Variants in MCTP2 observed in about 807,000 individuals in gnomAD.
MCTP2 encodes the protein multiple C2 and transmembrane domain-containing protein 2.
Under a neutral mutation model 111.6 loss-of-function variants are expected in MCTP2, and 132 were observed. That is an observed-to-expected ratio of 1.18 (90% CI 1.03 to 1.37). The LOEUF is 1.37. Among genes scored for constraint, MCTP2 ranks in the 40% most tolerant of loss-of-function variants. The probability of loss-of-function intolerance (pLI) is 0.00; values close to 1 mark genes in which losing one functional copy is unlikely to be tolerated. For missense variants in MCTP2, 1,183 were observed against 1,067.9 expected (o/e 1.11, Z -1.50); for synonymous variants, 395 against 387.7 (o/e 1.02, Z -0.22).
At chr15:94,465,578 CACCTTTCTTTTCTCCTTTTCTGT>C (rs1288619555) in intron 20 of MCTP2, among the ~76,000 whole-genome samples, 2 of 152,090 alleles carry the variant, frequency 1.3e-5, no homozygotes, top group Non-Finnish European at 2.9e-5. Context: ...ACTACAGTCT[CACCTTTCTTTTCTCCTTTTCTGT>C]ACTTTTCTTT....
intron 20 of MCTP2, among the ~76,000 whole-genome samples, chr15:94,460,221 C>T (rs527348270): frequency 6.6e-6 from 1 of 151,980 alleles, no homozygotes; most frequent in Non-Finnish European, 1.5e-5. Flanking sequence ...AAAGACAGAC[C>T]GCAGGCAATT....
At chr15:94,470,625 A>C (rs1300461069) in intron 21 of MCTP2, among the ~76,000 whole-genome samples, 183 bp downstream of exon 21, 2 of 152,260 alleles carry the variant, frequency 1.3e-5, no homozygotes, top group African/African-American at 4.8e-5. Context: ...ATGAGTGATC[A>C]GCATAGATAT....
intron 17 of MCTP2, among the ~76,000 whole-genome samples, chr15:94,419,016 A>G (rs2082500683): frequency 6.6e-6 from 1 of 152,180 alleles, no homozygotes; most frequent in Non-Finnish European, 1.5e-5. Context: ...CATATTCTTC[A>G]TAGAAATGTT....
rs375361122 is a variant in MCTP2, at chr15:94,451,150, TACTC to T, written c.2251-6985_2251-6982del. Among the ~76,000 whole-genome samples the T allele has an allele frequency of 1.5e-3, 222 of 152,322 alleles. 1 individual carries two copies. Among genetic ancestry groups the T allele is most frequent in the African/African-American group, 5.3e-3 (220 of 41,574 alleles). On this transcript the variant is annotated intron_variant, in intron 19 of 22. Transcript: ENST00000357742. ...TTCTGCTTACAAAAGTTAGCAAAAA[TACTC>T]AATCCTTTTAACATTTTATAAATGA...
chr15:94,249,401 A>G (rs1383287409), intron 1 of MCTP2, among the ~76,000 whole-genome samples: 1 of 152,046 alleles, frequency 6.6e-6, no homozygotes, highest in African/African-American at 2.4e-5. Context: ...AGATGGTAAT[A>G]CCAGCCTAGA....
At chr15:94,368,713 C>T (rs1275844760) in intron 11 of MCTP2, among the ~76,000 whole-genome samples, 2 of 152,180 alleles carry the variant, frequency 1.3e-5, no homozygotes, top group Non-Finnish European at 2.9e-5. Flanking sequence ...TATTAACATT[C>T]TCTCTGATTA....
At chr15:94,245,496 A>G (rs1322115277) in intron 1 of MCTP2, among the ~76,000 whole-genome samples, 2 of 140,716 alleles carry the variant, frequency 1.4e-5, no homozygotes, top group East Asian at 2.0e-4. Flanking sequence ...ACATGTATGT[A>G]TTTATATATG....
intron 8 of MCTP2, among the ~76,000 whole-genome samples, chr15:94,346,392 G>A (rs970306567): frequency 2.0e-5 from 3 of 151,944 alleles, no homozygotes; most frequent in African/African-American, 7.3e-5. Context: ...ATAATAACAC[G>A]GAGCCATCTC....
At chr15:94,318,428 C>G (rs2152371490) in intron 4 of MCTP2, among the ~76,000 whole-genome samples, 1 of 152,172 alleles carries the variant, frequency 6.6e-6, no homozygotes, top group East Asian at 1.9e-4. Flanking sequence ...GGATTACAGG[C>G]ACGCACCACC....
At chr15:94,422,215 G>C (rs996910729) in intron 17 of MCTP2, among the ~76,000 whole-genome samples, 1 of 152,148 alleles carries the variant, frequency 6.6e-6, no homozygotes, top group African/African-American at 2.4e-5. Context: ...CACAGCATGG[G>C]TCTTGGGCAC....
chr15:94,458,095 A>C (rs1358645825), intron 19 of MCTP2, 42 bp from the exon 20 acceptor site: 1 of 1,115,366 alleles, frequency 9.0e-7, no homozygotes, highest in African/African-American at 1.5e-5. Flanking sequence ...GCATGATAAA[A>C]AATGAAGTAA....
intron 20 of MCTP2, among the ~76,000 whole-genome samples, chr15:94,464,239 AATATATATATATATATATTATAT>A (rs1228567188): frequency 2.2e-5 from 2 of 89,364 alleles, no homozygotes; most frequent in Non-Finnish European, 4.6e-5. Flanking sequence ...TTATATATAT[AATATATATATATATATATTATAT>A]ATATATATAT....
chr15:94,298,987 C>T (rs1596300477), intron 2 of MCTP2, among the ~76,000 whole-genome samples: 1 of 86,354 alleles, frequency 1.2e-5, no homozygotes, highest in Non-Finnish European at 2.4e-5. Context: ...CTCTCCCTCT[C>T]CCTCTCTCCC....
chr15:94,466,198 G>C (rs1042500420), intron 20 of MCTP2, among the ~76,000 whole-genome samples: 2 of 151,888 alleles, frequency 1.3e-5, no homozygotes, highest in African/African-American at 4.8e-5. Context: ...TAATATATTG[G>C]ATTAGATTTC....
chr15:94,419,193 A>G (rs554763692), intron 17 of MCTP2, among the ~76,000 whole-genome samples: 1 of 152,282 alleles, frequency 6.6e-6, no homozygotes, highest in South Asian at 2.1e-4. Context: ...AACTGGAACT[A>G]CTGGATGGAA....
intron 19 of MCTP2, among the ~76,000 whole-genome samples, chr15:94,448,436 G>T (rs1237498135): frequency 1.3e-5 from 2 of 152,130 alleles, no homozygotes; most frequent in Admixed American, 1.3e-4. Context: ...TTCGTCAGAG[G>T]CGCTGATTTT....
At chr15:94,337,750 A>G (rs373924946) in intron 4 of MCTP2, among the ~76,000 whole-genome samples, 47 of 146,538 alleles carry the variant, frequency 3.2e-4, no homozygotes, top group East Asian at 1.2e-3. Flanking sequence ...TTCTACTCCT[A>G]TGTTCTCAAA....
intron 8 of MCTP2, among the ~76,000 whole-genome samples, chr15:94,347,859 A>G (rs934246619): frequency 6.6e-6 from 1 of 151,860 alleles, no homozygotes; most frequent in Non-Finnish European, 1.5e-5. Context: ...GTGTTCAGAA[A>G]CTGCACATAT....
At chr15:94,388,542 T>C (rs1445923742) in intron 14 of MCTP2, among the ~76,000 whole-genome samples, 1 of 152,260 alleles carries the variant, frequency 6.6e-6, no homozygotes, top group Non-Finnish European at 1.5e-5. Context: ...GTATAAGCTG[T>C]AAGTTGTTTC....
Sources: gnomAD v4.1 joint callset for allele counts (sites outside exome capture counted in the v4.1 genomes callset) on GRCh38, gnomAD v4.1.1 for gene constraint, MANE v1.5 for transcripts, NCBI Gene and HGNC (gene_info 2026-07-23, HGNC 2026-07-21) for gene names.